NOS1AP: variants seen among roughly 807,000 people sequenced by gnomAD.
NOS1AP encodes the protein nitric oxide synthase 1 adaptor protein.
In NOS1AP, 21 loss-of-function variants were observed where a neutral mutation model predicts 56.2. That is an observed-to-expected ratio of 0.37 (90% CI 0.26 to 0.54). NOS1AP has a LOEUF of 0.54. Ranked by LOEUF, NOS1AP falls within the 20% of genes least tolerant of loss-of-function variation. The pLI, the probability that NOS1AP is intolerant of heterozygous loss-of-function variation, is 0.84. For missense variants in NOS1AP, 522 were observed against 657.8 expected (o/e 0.79, Z 2.26); for synonymous variants, 270 against 274.6 (o/e 0.98, Z 0.17).
At chr1:162,333,916 T>A (rs1401280444) in intron 5 of NOS1AP, among the ~76,000 whole-genome samples, 2 of 152,244 alleles carry the variant, frequency 1.3e-5, no homozygotes, top group Non-Finnish European at 2.9e-5. Context: ...ATTTTTTCCA[T>A]GTAATATGTG....
At chr1:162,134,737 A>T (rs1648913646) in intron 1 of NOS1AP, among the ~76,000 whole-genome samples, 1 of 152,002 alleles carries the variant, frequency 6.6e-6, no homozygotes, top group African/African-American at 2.4e-5. Flanking sequence ...GGTCCTTCTT[A>T]TCTGTCACTG....
chr1:162,087,780 C>A (rs1325939933), intron 1 of NOS1AP, among the ~76,000 whole-genome samples: 2 of 152,136 alleles, frequency 1.3e-5, no homozygotes, highest in Non-Finnish European at 2.9e-5. Context: ...AGAACACAGC[C>A]AGACTGCACA....
chr1:162,362,887 T>C lies in NOS1AP; in HGVS notation c.940-2517T>C, dbSNP rs989310929. Reference sequence around the variant, plus strand: ...CTTAATAGCCACCCACCATCTGACATCCAGATTACAATATTATTGACATTT... The same window carrying C: ...CTTAATAGCCACCCACCATCTGACACCCAGATTACAATATTATTGACATTT... On this transcript the variant is annotated intron_variant, in intron 8 of 9. Transcript: ENST00000361897. 3 of 927,096 alleles carry C rather than the reference T, an allele frequency of 3.2e-6. No homozygotes were observed. The African/African-American group carries it at 5.4e-5, about 17-fold the overall frequency. 57.4% of individuals were successfully genotyped at this position (927,096 alleles called of 1,614,324 possible).
intron 2 of NOS1AP, among the ~76,000 whole-genome samples, chr1:162,280,716 G>A (rs1161560881): frequency 3.3e-5 from 5 of 152,094 alleles, no homozygotes; most frequent in Non-Finnish European, 7.4e-5. Context: ...GTATTTTGGA[G>A]ATTGCAGAGA....
rs567312540 is a variant in NOS1AP, at chr1:162,169,869, C to T, written c.177+15393C>T. On this transcript the variant is annotated intron_variant, in intron 2 of 9. Transcript: ENST00000361897. ...CAGAAACCCAGTTCTCTGGCCACAC[C>T]GAATTTCTTACAATCTTCCCATTCA... Among the ~76,000 whole-genome samples the T allele has an allele frequency of 3.0e-4, 46 of 152,282 alleles. 1 individual carries two copies. The East Asian group carries it at 3.5e-3, about 11-fold the overall frequency.
intron 3 of NOS1AP, among the ~76,000 whole-genome samples, chr1:162,291,877 A>G (rs960767065): frequency 1.3e-5 from 2 of 152,238 alleles, no homozygotes; most frequent in Non-Finnish European, 2.9e-5. Context: ...TGTATATGTA[A>G]TGATTAGTTA....
At chr1:162,098,639 A>G (rs1218231005) in intron 1 of NOS1AP, among the ~76,000 whole-genome samples, 1 of 152,006 alleles carries the variant, frequency 6.6e-6, no homozygotes, top group Non-Finnish European at 1.5e-5. Context: ...AGCATCCACG[A>G]GCTATTCTTC....
intron 2 of NOS1AP, among the ~76,000 whole-genome samples, chr1:162,195,481 G>A (rs768217843): frequency 1.3e-5 from 2 of 152,092 alleles, no homozygotes; most frequent in East Asian, 3.9e-4. Flanking sequence ...CATATGACAG[G>A]CTCAGTATTT....
chr1:162,356,241 G>T (rs148447887), intron 7 of NOS1AP, among the ~76,000 whole-genome samples: 1 of 152,168 alleles, frequency 6.6e-6, no homozygotes, highest in African/African-American at 2.4e-5. Flanking sequence ...GAAACAAAAT[G>T]TCTTTCCCTG....
intron 4 of NOS1AP, among the ~76,000 whole-genome samples, chr1:162,312,871 G>A (rs1306615607): frequency 6.6e-6 from 1 of 151,444 alleles, no homozygotes; most frequent in Non-Finnish European, 1.5e-5. Flanking sequence ...CAGAGCCAAA[G>A]ACAAAAACCA....
intron 1 of NOS1AP, among the ~76,000 whole-genome samples, chr1:162,074,673 T>C (rs1449771993): frequency 6.6e-6 from 1 of 152,228 alleles, no homozygotes; most frequent in Non-Finnish European, 1.5e-5. Flanking sequence ...AATTTGCTTA[T>C]GAATCATGGC....
At chr1:162,364,614 G>A (rs536055018) in intron 8 of NOS1AP, 2 of 985,512 alleles carry the variant, frequency 2.0e-6, no homozygotes, top group African/African-American at 3.5e-5. Flanking sequence ...AAACTGATGA[G>A]GGTGCCACAA....
At chr1:162,306,350 T>C (rs1655826721) in intron 4 of NOS1AP, among the ~76,000 whole-genome samples, 1 of 152,082 alleles carries the variant, frequency 6.6e-6, no homozygotes, top group Non-Finnish European at 1.5e-5. Flanking sequence ...AAGCTAGGTA[T>C]AGAGAAAAGT....
At chr1:162,302,168 A>G (rs548012985) in intron 4 of NOS1AP, among the ~76,000 whole-genome samples, 1 of 152,330 alleles carries the variant, frequency 6.6e-6, no homozygotes, top group Admixed American at 6.5e-5. Context: ...ACTTTTTTAA[A>G]AAACAAATGT....
intron 1 of NOS1AP, among the ~76,000 whole-genome samples, chr1:162,124,422 T>C (rs1361411235): frequency 6.6e-6 from 1 of 152,158 alleles, no homozygotes; most frequent in Non-Finnish European, 1.5e-5. Context: ...AATAATGGCC[T>C]CCAGCTCCTT....
chr1:162,120,686 C>CT (rs1648174098), intron 1 of NOS1AP, among the ~76,000 whole-genome samples: 1 of 152,038 alleles, frequency 6.6e-6, no homozygotes, highest in African/African-American at 2.4e-5. Flanking sequence ...ATGGGGGAAC[C>CT]GCCCCCCCCA....
In NOS1AP at chr1:162,090,150, AT is replaced by A. The variant is rs35508839; in HGVS notation, c.105+19878del. On this transcript the variant is annotated intron_variant, in intron 1 of 9. Transcript: ENST00000361897. Reference sequence around the variant, plus strand: ...AAGCTTATGGAAACAATATTCCCTGATTTTTTTTTTCTGAATGTTGATAACA... The same window carrying A: ...AAGCTTATGGAAACAATATTCCCTGATTTTTTTTTCTGAATGTTGATAACA... 3.7e-3 allele frequency among the ~76,000 whole-genome samples: 562 copies of A among 150,158 alleles called. 7 individuals carry two copies. Among genetic ancestry groups the A allele is most frequent in the African/African-American group, 0.013 (535 of 40,970 alleles).
At chr1:162,180,293 G>T (rs1236700269) in intron 2 of NOS1AP, among the ~76,000 whole-genome samples, 1 of 151,962 alleles carries the variant, frequency 6.6e-6, no homozygotes, top group Non-Finnish European at 1.5e-5. Context: ...CGCCCAGGCT[G>T]GAGTGCAGTG....
chr1:162,280,316 C>T (rs925629545), intron 2 of NOS1AP, among the ~76,000 whole-genome samples: 4 of 152,178 alleles, frequency 2.6e-5, no homozygotes, highest in Admixed American at 1.3e-4. Context: ...ATAGCACTTT[C>T]ATAAGAATCT....
Sources: allele counts gnomAD v4.1 joint callset (sites outside exome capture counted in the v4.1 genomes callset), GRCh38; gene constraint gnomAD v4.1.1; transcripts MANE v1.5; gene names NCBI Gene and HGNC (gene_info 2026-07-23, HGNC 2026-07-21).